The following GRB10 variants were observed in gnomAD, a reference collection of about 807,000 sequenced individuals.
The protein encoded by GRB10 is growth factor receptor bound protein 10.
GRB10 carries 20 observed loss-of-function variants against 80.9 expected under a neutral mutation model. The ratio of observed to expected loss-of-function variants is 0.25; its 90% CI spans 0.17 to 0.36. The LOEUF is 0.36. Among genes scored for constraint, GRB10 ranks in the 10% least tolerant of loss-of-function variants. The probability of loss-of-function intolerance (pLI) is 1.00; values close to 1 mark genes in which losing one functional copy is unlikely to be tolerated. For synonymous variants in GRB10, 291 were observed against 291.5 expected (o/e 1.00, Z 0.02); for missense variants, 548 against 747.7 (o/e 0.73, Z 3.12).
rs570675050 is a variant in GRB10, at chr7:50,683,264, A to G, written c.140-8606T>C. On this transcript the variant is annotated intron_variant, in intron 5 of 18. Coordinates refer to ENST00000401949, the MANE Select transcript of GRB10 (RefSeq NM_001350814.2). The stretch of plus-strand genomic sequence containing the variant: ...GCTCATGGGGTCCCTGGAGTAGTCA[A>G]ATTCCTAGAGATAGTGGAATGGTGG... Among the ~76,000 whole-genome samples the G allele has an allele frequency of 2.6e-5, 4 of 152,324 alleles. No homozygotes were observed. In the East Asian group the frequency reaches 7.7e-4, roughly 29 times the overall value.
chr7:50,727,917 T>C (rs1325711488), intron 4 of GRB10: 1 of 152,188 alleles, frequency 6.6e-6, no homozygotes, highest in Non-Finnish European at 1.5e-5. Flanking sequence ...TGTGGAGAAT[T>C]TAAACACCAT....
chr7:50,627,070 T>C (rs542983528), intron 7 of GRB10, 92 bp from the exon 8 acceptor site: 16 of 1,321,224 alleles, frequency 1.2e-5, no homozygotes, highest in Non-Finnish European at 1.5e-5. Context: ...AAAGTAAAAA[T>C]AGTAGTGCTC....
chr7:50,754,314 TAGGG>T, intron 3 of GRB10, among the ~76,000 whole-genome samples: 1 of 152,316 alleles, frequency 6.6e-6, no homozygotes, highest in East Asian at 1.9e-4. Context: ...CATTCTGAGA[TAGGG>T]AGGTCTGCTA....
At chr7:50,738,838 T>C (rs1171962206) in intron 3 of GRB10, among the ~76,000 whole-genome samples, 4 of 152,228 alleles carry the variant, frequency 2.6e-5, no homozygotes, top group Admixed American at 1.3e-4. Context: ...TATCAATATC[T>C]GTTGTCTTTT....
chr7:50,669,168 A>T (rs916665485), intron 7 of GRB10, among the ~76,000 whole-genome samples: 1 of 152,202 alleles, frequency 6.6e-6, no homozygotes, highest in African/African-American at 2.4e-5. Context: ...ATTATTTGCC[A>T]TTTTTTATGA....
rs573883660 is a variant in GRB10 at position 50,731,582 on chromosome 7, G to A, written c.51+690C>T. ...CCAGGATTCGCGAATCAAATCTAAA[G>A]AACCAAAGACCATCCCCTAACAATG... On this transcript the variant is annotated intron_variant, in intron 4 of 18. Transcript: ENST00000401949. 2.6e-5 allele frequency among the ~76,000 whole-genome samples: 4 copies of A among 152,286 alleles called. No individual in the cohort carries two copies. The South Asian group carries it at 8.3e-4, about 32-fold the overall frequency.
At chr7:50,621,491 G>A (rs773846810) in intron 8 of GRB10, among the ~76,000 whole-genome samples, 13 of 152,204 alleles carry the variant, frequency 8.5e-5, no homozygotes, top group Non-Finnish European at 1.6e-4. Context: ...AACGTGGCAG[G>A]TGACCCCTTT....
chr7:50,660,508 A>G (rs1342903064), intron 7 of GRB10, among the ~76,000 whole-genome samples: 1 of 152,118 alleles, frequency 6.6e-6, no homozygotes, highest in Non-Finnish European at 1.5e-5. Context: ...CAGAGCAGGA[A>G]ATGGAAGTTT....
chr7:50,685,016 C>T (rs2061958054), intron 5 of GRB10, among the ~76,000 whole-genome samples: 1 of 152,230 alleles, frequency 6.6e-6, no homozygotes, highest in African/African-American at 2.4e-5. Flanking sequence ...CTGTCACTCA[C>T]TAGCACTGTG....
At chr7:50,711,437 T>G (rs767377763) in intron 4 of GRB10, among the ~76,000 whole-genome samples, 11 of 152,156 alleles carry the variant, frequency 7.2e-5, no homozygotes, top group Non-Finnish European at 1.6e-4. Context: ...TGGGGCACAT[T>G]GCTGGAGTCC....
intron 5 of GRB10, among the ~76,000 whole-genome samples, chr7:50,676,229 C>T (rs775461742): frequency 6.6e-6 from 1 of 151,694 alleles, no homozygotes; most frequent in Non-Finnish European, 1.5e-5. Flanking sequence ...ACTTGCTCAC[C>T]CTGCCCTGCT....
intron 3 of GRB10, among the ~76,000 whole-genome samples, chr7:50,743,400 C>G (rs553072706): frequency 1.3e-5 from 2 of 152,374 alleles, no homozygotes; most frequent in East Asian, 3.8e-4. Flanking sequence ...GATCTTGAAT[C>G]TGTTTCAATG....
chr7:50,765,789 C>A (rs2076283945), intron 2 of GRB10, among the ~76,000 whole-genome samples: 1 of 152,140 alleles, frequency 6.6e-6, no homozygotes, highest in South Asian at 2.1e-4. Flanking sequence ...CTACCGTCTA[C>A]AATAATCTAT....
chr7:50,782,014 G>T lies in GRB10; in HGVS notation c.-327+410C>A. The stretch of plus-strand genomic sequence containing the variant: ...CATTATGTTTTTCACAGAAAAAGCC[G>T]GTGCAGTAGCCCGGATGCCCAGATC... On this transcript the variant is annotated intron_variant, in intron 1 of 18. Transcript: ENST00000401949. This position sits in a 1 kb window ranked among gnomAD's most constrained non-coding sequence, Gnocchi z 6.6. Among the ~76,000 whole-genome samples, 1 of 152,176 alleles carries T rather than the reference G, an allele frequency of 6.6e-6. No homozygotes were observed.
chr7:50,606,125 C>A (rs1458158498), intron 14 of GRB10, among the ~76,000 whole-genome samples: 1 of 152,108 alleles, frequency 6.6e-6, no homozygotes, highest in African/African-American at 2.4e-5. Context: ...GATGCAGGGA[C>A]GGGAGAAGAA....
chr7:50,645,845 T>G (rs2057100668), intron 7 of GRB10, among the ~76,000 whole-genome samples: 1 of 152,144 alleles, frequency 6.6e-6, no homozygotes, highest in South Asian at 2.1e-4. Context: ...CCCTAGGCAG[T>G]GAGAAGAATT....
chr7:50,666,441 C>T (rs1402230367), intron 7 of GRB10, among the ~76,000 whole-genome samples: 2 of 152,196 alleles, frequency 1.3e-5, no homozygotes, highest in African/African-American at 4.8e-5. Context: ...CCCTCCCCTC[C>T]TTCCTTTCAT....
At chr7:50,640,953 G>A (rs566205665) in intron 7 of GRB10, among the ~76,000 whole-genome samples, 1 of 152,286 alleles carries the variant, frequency 6.6e-6, no homozygotes, top group Non-Finnish European at 1.5e-5. Flanking sequence ...AGAAAGGCAG[G>A]CTGTAGTGCC....
chr7:50,719,263 G>A (rs1318348381), intron 4 of GRB10, among the ~76,000 whole-genome samples: 1 of 152,092 alleles, frequency 6.6e-6, no homozygotes, highest in Non-Finnish European at 1.5e-5. Context: ...AGGAGGAAGG[G>A]CCAGGCCCAC....
Sources: allele counts gnomAD v4.1 joint callset (sites outside exome capture counted in the v4.1 genomes callset), GRCh38; gene constraint gnomAD v4.1.1; non-coding constraint Gnocchi (gnomAD v3.1); transcripts MANE v1.5; gene names NCBI Gene and HGNC (gene_info 2026-07-23, HGNC 2026-07-21).